NRG3: variants seen among roughly 807,000 people sequenced by gnomAD.
The protein encoded by NRG3 is pro-neuregulin-3, membrane-bound isoform.
Under a neutral mutation model 66.9 loss-of-function variants are expected in NRG3, and 31 were observed. The ratio of observed to expected loss-of-function variants is 0.46; its 90% CI spans 0.35 to 0.63. NRG3 has a LOEUF of 0.63. Ranked by LOEUF, NRG3 falls within the 20% of genes least tolerant of loss-of-function variation. The probability of loss-of-function intolerance (pLI) is 0.00; values close to 1 mark genes in which losing one functional copy is unlikely to be tolerated. For synonymous variants in NRG3, 393 were observed against 359.4 expected, an observed-to-expected ratio of 1.09 and a Z score of -1.06; for missense variants, 910 against 878.9, an observed-to-expected ratio of 1.04 and a Z score of -0.45.
At chr10:82,078,126 A>AT (rs970115058) in intron 1 of NRG3, among the ~76,000 whole-genome samples, 4 of 151,902 alleles carry the variant, frequency 2.6e-5, no homozygotes, top group African/African-American at 4.8e-5. Flanking sequence ...TTAAAAAAAA[A>AT]TTTTTTTTAA....
Position 81,926,426 on chromosome 10 carries a change from T to C in NRG3, c.823+50263T>C, listed in dbSNP as rs150761286. On this transcript the variant is annotated intron_variant, in intron 1 of 8. Coordinates refer to ENST00000372141, the MANE Select transcript of NRG3 (RefSeq NM_001010848.4). ...GTGAGCCACCATGCCCAGCCCATAA[T>C]GCTACTTTAGAGAAGAGAATATCCG... Among the ~76,000 whole-genome samples, 789 of 152,260 alleles carry C rather than the reference T, an allele frequency of 5.2e-3. 6 individuals are homozygous for C. The highest frequency in any genetic ancestry group is 0.018 in the African/African-American group (747 of 41,556).
chr10:81,929,587 T>C (rs1468271009), intron 1 of NRG3, among the ~76,000 whole-genome samples: 1 of 152,160 alleles, frequency 6.6e-6, no homozygotes, highest in Non-Finnish European at 1.5e-5. Context: ...GGCTTCTCTT[T>C]CCCAAGTTTA....
intron 2 of NRG3, among the ~76,000 whole-genome samples, chr10:82,611,832 AG>A (rs1164885131): frequency 6.6e-6 from 1 of 152,156 alleles, no homozygotes; most frequent in Non-Finnish European, 1.5e-5. Context: ...TAGACCCTTG[AG>A]GAATCACCAC....
chr10:82,054,706 A>G (rs1218441341), intron 1 of NRG3, among the ~76,000 whole-genome samples: 1 of 152,108 alleles, frequency 6.6e-6, no homozygotes, highest in Admixed American at 6.6e-5. Flanking sequence ...GAGAAAGAAA[A>G]TCAGAAAAGT....
chr10:82,922,958 A>T (rs891478761), intron 4 of NRG3, among the ~76,000 whole-genome samples: 1 of 152,162 alleles, frequency 6.6e-6, no homozygotes, highest in Non-Finnish European at 1.5e-5. Flanking sequence ...AATCCAGTTG[A>T]TTCCAATGTT....
intron 1 of NRG3, among the ~76,000 whole-genome samples, chr10:81,915,043 G>A (rs750226639): frequency 3.3e-5 from 5 of 152,256 alleles, no homozygotes; most frequent in East Asian, 1.9e-4. Context: ...CAAAGATCAC[G>A]TGGAGAAATG....
At chr10:82,597,968 A>G (rs2047387010) in intron 2 of NRG3, among the ~76,000 whole-genome samples, 1 of 151,326 alleles carries the variant, frequency 6.6e-6, no homozygotes, top group Non-Finnish European at 1.5e-5. Context: ...CCGTGACCTT[A>G]CAATGTACTT....
chr10:82,775,454 A>G (rs1448812311), intron 3 of NRG3, among the ~76,000 whole-genome samples: 1 of 152,012 alleles, frequency 6.6e-6, no homozygotes, highest in Non-Finnish European at 1.5e-5. Context: ...AGTTTCATAT[A>G]CTTATAGTTC....
At chr10:82,534,710 C>G (rs1456421376) in intron 2 of NRG3, among the ~76,000 whole-genome samples, 1 of 152,092 alleles carries the variant, frequency 6.6e-6, no homozygotes, top group African/African-American at 2.4e-5. Flanking sequence ...GAGTGTGGTA[C>G]TGACATAATG....
At chr10:82,488,716 C>A (rs557982875) in intron 2 of NRG3, among the ~76,000 whole-genome samples, 1 of 152,122 alleles carries the variant, frequency 6.6e-6, no homozygotes, top group African/African-American at 2.4e-5. Context: ...GGCTGTGAAG[C>A]CATCTCCAGG....
At chr10:82,813,459 C>T (rs141642774) in intron 3 of NRG3, among the ~76,000 whole-genome samples, 2 of 152,024 alleles carry the variant, frequency 1.3e-5, no homozygotes, top group African/African-American at 4.8e-5. Flanking sequence ...AGTGATCCAC[C>T]CGCCTCAGCC....
intron 2 of NRG3, among the ~76,000 whole-genome samples, chr10:82,588,802 A>C (rs1042379673): frequency 3.3e-5 from 5 of 152,258 alleles, no homozygotes; most frequent in South Asian, 2.1e-4. Flanking sequence ...CACCCAGCCT[A>C]AACCCCTTTT....
At chr10:82,495,855 G>T (rs1401000513) in intron 2 of NRG3, among the ~76,000 whole-genome samples, 2 of 143,602 alleles carry the variant, frequency 1.4e-5, no homozygotes, top group Non-Finnish European at 3.1e-5. Flanking sequence ...GATGCAAAAT[G>T]CTGGTGTCCT....
intron 2 of NRG3, among the ~76,000 whole-genome samples, chr10:82,607,702 G>A (rs749981495): frequency 6.6e-5 from 10 of 151,442 alleles, no homozygotes; most frequent in Non-Finnish European, 1.2e-4. Flanking sequence ...TCATAATAGA[G>A]TTCATTTTCT....
At chr10:82,301,336 T>G (rs2080389594) in intron 1 of NRG3, among the ~76,000 whole-genome samples, 2 of 152,206 alleles carry the variant, frequency 1.3e-5, no homozygotes, top group Admixed American at 1.3e-4. Flanking sequence ...ATTAAAATAT[T>G]TATGTCTCTA....
At chr10:82,924,294 C>T (rs1173452818) in intron 4 of NRG3, among the ~76,000 whole-genome samples, 2 of 151,996 alleles carry the variant, frequency 1.3e-5, no homozygotes, top group African/African-American at 4.8e-5. Context: ...TATTACTATG[C>T]GGACTTGATG....
At chr10:82,871,919 T>C (rs7903941) in intron 4 of NRG3, among the ~76,000 whole-genome samples, 1 of 152,114 alleles carries the variant, frequency 6.6e-6, no homozygotes, top group Non-Finnish European at 1.5e-5. Flanking sequence ...CTTATCTTAT[T>C]TAATTCGCTA....
chr10:82,449,402 A>G (rs1258302811), intron 2 of NRG3, among the ~76,000 whole-genome samples: 2 of 152,242 alleles, frequency 1.3e-5, no homozygotes, highest in Admixed American at 1.3e-4. Flanking sequence ...CACTGGCATG[A>G]GGCCCAGCCT....
chr10:82,099,408 C>A (rs2132089501), intron 1 of NRG3, among the ~76,000 whole-genome samples: 1 of 152,234 alleles, frequency 6.6e-6, no homozygotes, highest in South Asian at 2.1e-4. Context: ...TTGCATTGAT[C>A]CATTTATCAA....
Sources: gnomAD v4.1 joint callset for allele counts (sites outside exome capture counted in the v4.1 genomes callset) on GRCh38, gnomAD v4.1.1 for gene constraint, MANE v1.5 for transcripts, NCBI Gene and HGNC (gene_info 2026-07-23, HGNC 2026-07-21) for gene names.